RAPGEF5: variants seen among roughly 807,000 people sequenced by gnomAD.
The protein encoded by RAPGEF5 is M-Ras-regulated GEF.
Under a neutral mutation model 125.2 loss-of-function variants are expected in RAPGEF5, and 65 were observed. That is an observed-to-expected ratio of 0.52 (90% confidence interval 0.43 to 0.64). RAPGEF5 has a LOEUF of 0.64. Ranked by LOEUF, RAPGEF5 falls within the 30% of genes least tolerant of loss-of-function variation. RAPGEF5 has a pLI of 0.00. For missense variants in RAPGEF5, 958 were observed against 1,048.1 expected (o/e 0.91, Z 1.19); for synonymous variants, 391 against 385.9 (o/e 1.01, Z -0.16).
intron 7 of RAPGEF5, among the ~76,000 whole-genome samples, chr7:22,265,210 A>T (rs1331217703): frequency 6.6e-6 from 1 of 152,042 alleles, no homozygotes; most frequent in African/African-American, 2.4e-5. Context: ...AACAGTAGAG[A>T]ATTTACTCCG....
chr7:22,280,185 C>T (rs1340291443), intron 6 of RAPGEF5, among the ~76,000 whole-genome samples: 1 of 152,072 alleles, frequency 6.6e-6, no homozygotes, highest in Admixed American at 6.6e-5. Context: ...CACACAATGG[C>T]CTCATACAGG....
At chr7:22,220,051 C>A (rs1859807) in intron 8 of RAPGEF5, 60 bp from the exon 9 acceptor site, 453,471 of 1,573,598 alleles carry the variant, frequency 0.29, 70,420 homozygotes, top group Middle Eastern at 0.36. Context: ...GACATGACAC[C>A]ACCGCAAAGT....
intron 7 of RAPGEF5, among the ~76,000 whole-genome samples, chr7:22,243,891 C>T (rs1786403654): frequency 6.6e-6 from 1 of 152,144 alleles, no homozygotes; most frequent in South Asian, 2.1e-4. Flanking sequence ...TCCTATCTAA[C>T]TGAAATTTTG....
intron 7 of RAPGEF5, among the ~76,000 whole-genome samples, chr7:22,239,346 T>C (rs1043489562): frequency 6.6e-6 from 1 of 152,128 alleles, no homozygotes; most frequent in African/African-American, 2.4e-5. Flanking sequence ...ATGAAAGAAA[T>C]GTATTATTTT....
At chr7:22,219,793 G>A (rs1449567144) in intron 9 of RAPGEF5, 73 bp downstream of exon 9, 46 of 1,482,374 alleles carry the variant, frequency 3.1e-5, no homozygotes, top group East Asian at 1.4e-4. Flanking sequence ...ATAGTCTTTC[G>A]TTCAAACATG....
At chr7:22,146,307 T>C (rs1783438088) in intron 19 of RAPGEF5, among the ~76,000 whole-genome samples, 1 of 152,232 alleles carries the variant, frequency 6.6e-6, no homozygotes, top group Non-Finnish European at 1.5e-5. Context: ...GTGAGGGTTT[T>C]CTCTGGACAA....
intron 3 of RAPGEF5, chr7:22,314,701 T>C: frequency 1.1e-6 from 1 of 871,540 alleles, no homozygotes; most frequent in African/African-American, 1.8e-5. Context: ...ATAGTTTTGG[T>C]ATCATTTGGT....
chr7:22,223,896 A>T (rs1785851485), intron 8 of RAPGEF5, among the ~76,000 whole-genome samples: 1 of 152,220 alleles, frequency 6.6e-6, no homozygotes, highest in African/African-American at 2.4e-5. Context: ...TTAGGTTACA[A>T]GCACTGGCAA....
chr7:22,240,338 T>C (rs549489756), intron 7 of RAPGEF5, among the ~76,000 whole-genome samples: 1 of 150,870 alleles, frequency 6.6e-6, no homozygotes, highest in Admixed American at 6.6e-5. Flanking sequence ...TTTTTTTCAA[T>C]ATTTTTCTCG....
At chr7:22,347,329 G>C (rs1350438606) in intron 1 of RAPGEF5, among the ~76,000 whole-genome samples, 1 of 152,082 alleles carries the variant, frequency 6.6e-6, no homozygotes, top group African/African-American at 2.4e-5. Context: ...AATTGGGATT[G>C]TTTGTATACC....
intron 1 of RAPGEF5, among the ~76,000 whole-genome samples, chr7:22,346,405 G>A (rs542026292): frequency 4.3e-4 from 65 of 152,196 alleles, no homozygotes; most frequent in African/African-American, 1.5e-3. Context: ...TTTTTTTGCA[G>A]ATTTCATTCC....
intron 9 of RAPGEF5, among the ~76,000 whole-genome samples, chr7:22,197,708 C>T (rs2128127266): frequency 6.6e-6 from 1 of 152,284 alleles, no homozygotes; most frequent in Middle Eastern, 3.4e-3. Flanking sequence ...CCCAAGCTCA[C>T]TCATGGGCAA....
At chr7:22,168,654 C>G (rs937590693) in intron 11 of RAPGEF5, among the ~76,000 whole-genome samples, 7 of 152,092 alleles carry the variant, frequency 4.6e-5, no homozygotes, top group Admixed American at 2.0e-4. Flanking sequence ...AAAAGTTAAT[C>G]AGAAAAACAA....
rs144072629 is a variant in RAPGEF5, at chr7:22,177,991, C to T, written c.1205-10843G>A. ...CCCTATAAAGTTGTTTCCTAAGTGC[C>T]AGGATGCTGGAGTTCCTTTATTCCT... On this transcript the variant is annotated intron_variant, in intron 11 of 25. Transcript: ENST00000665637. Among the ~76,000 whole-genome samples the T allele has an allele frequency of 6.9e-4, 105 of 152,186 alleles. 1 individual carries two copies. Among genetic ancestry groups the T allele is most frequent in the African/African-American group, 1.7e-3 (71 of 41,546 alleles).
chr7:22,174,926 A>C (rs1178019576), intron 11 of RAPGEF5, among the ~76,000 whole-genome samples: 6 of 152,230 alleles, frequency 3.9e-5, no homozygotes, highest in Non-Finnish European at 8.8e-5. Flanking sequence ...AGAGGGTTAC[A>C]GTTATGATTG....
chr7:22,309,389 T>C (rs919798264), intron 4 of RAPGEF5, among the ~76,000 whole-genome samples: 5 of 152,228 alleles, frequency 3.3e-5, no homozygotes, highest in Non-Finnish European at 5.9e-5. Context: ...AACTAGCAGC[T>C]GAGAGACTGG....
At chr7:22,222,003 T>C (rs892529621) in intron 8 of RAPGEF5, among the ~76,000 whole-genome samples, 8 of 152,066 alleles carry the variant, frequency 5.3e-5, no homozygotes, top group Non-Finnish European at 7.4e-5. Context: ...TCCCAGCACT[T>C]TGGGAGGCTG....
At chr7:22,349,445 G>T (rs1442560797) in intron 1 of RAPGEF5, among the ~76,000 whole-genome samples, 3 of 149,944 alleles carry the variant, frequency 2.0e-5, no homozygotes, top group Non-Finnish European at 4.4e-5. Context: ...AAAAAAAAGG[G>T]TGACTATAAT....
At chr7:22,258,704 T>C (rs1177439297) in intron 7 of RAPGEF5, among the ~76,000 whole-genome samples, 3 of 132,474 alleles carry the variant, frequency 2.3e-5, no homozygotes, top group African/African-American at 8.6e-5. Context: ...TAGACCCAAA[T>C]ATAGTCAATT....
Sources: allele counts gnomAD v4.1 joint callset (sites outside exome capture counted in the v4.1 genomes callset), GRCh38; gene constraint gnomAD v4.1.1; transcripts MANE v1.5; gene names NCBI Gene and HGNC (gene_info 2026-07-23, HGNC 2026-07-21).